PCDH7: variants seen among roughly 807,000 people sequenced by gnomAD.
PCDH7 encodes protocadherin 7.
In PCDH7, 17 loss-of-function variants were observed where a neutral mutation model predicts 58.9. The ratio of observed to expected loss-of-function variants is 0.29; its 90% CI spans 0.20 to 0.43. PCDH7 has a LOEUF of 0.43. Among genes scored for constraint, PCDH7 ranks in the 20% least tolerant of loss-of-function variants. The pLI is 1.00. For missense variants in PCDH7, 1,274 were observed against 1,441.0 expected (o/e 0.88, Z 1.88); for synonymous variants, 664 against 616.4 (o/e 1.08, Z -1.14).
intron 2 of PCDH7, among the ~76,000 whole-genome samples, chr4:30,947,634 A>G (rs1313990004): frequency 6.6e-6 from 1 of 152,332 alleles, no homozygotes; most frequent in East Asian, 1.9e-4. Context: ...CATATAGTAT[A>G]TAGTAATCAC....
intron 1 of PCDH7, among the ~76,000 whole-genome samples, chr4:30,880,750 A>G (rs569280518): frequency 6.3e-4 from 96 of 152,290 alleles, no homozygotes; most frequent in African/African-American, 2.2e-3. Context: ...TGAGAAACAA[A>G]AAATAATATA....
chr4:30,730,689 A>G (rs368020433), intron 1 of PCDH7: 1 of 1,270,738 alleles, frequency 7.9e-7, no homozygotes, highest in Non-Finnish European at 1.1e-6. Flanking sequence ...GGCATAAGAC[A>G]CTGGGGAAAA....
intron 1 of PCDH7, among the ~76,000 whole-genome samples, chr4:30,771,057 A>T (rs1560352094): frequency 6.6e-6 from 1 of 152,182 alleles, no homozygotes. Flanking sequence ...ACTTATTTCT[A>T]TTGGGAGCTA....
chr4:31,071,953 C>G (rs1343418769), intron 3 of PCDH7, among the ~76,000 whole-genome samples: 1 of 152,042 alleles, frequency 6.6e-6, no homozygotes, highest in Non-Finnish European at 1.5e-5. Context: ...AATAACTACT[C>G]TTATACTAAA....
chr4:30,759,418 C>T (rs1439205586), intron 1 of PCDH7, among the ~76,000 whole-genome samples: 6 of 152,262 alleles, frequency 3.9e-5, no homozygotes, highest in South Asian at 4.1e-4. Context: ...TTCGGTGAAT[C>T]GGCTTTCAGG....
intron 3 of PCDH7, among the ~76,000 whole-genome samples, chr4:31,128,886 G>A (rs915677966): frequency 3.3e-5 from 5 of 152,188 alleles, no homozygotes; most frequent in African/African-American, 7.2e-5. Context: ...AGGGGATGAG[G>A]AGAGTGAGTG....
intron 3 of PCDH7, among the ~76,000 whole-genome samples, chr4:30,980,203 A>G (rs989160806): frequency 1.3e-5 from 2 of 152,244 alleles, no homozygotes; most frequent in Non-Finnish European, 2.9e-5. Context: ...ACAATTAGGC[A>G]TAAAAGTATT....
intron 1 of PCDH7, among the ~76,000 whole-genome samples, chr4:30,904,599 G>A (rs1740670975): frequency 1.3e-5 from 2 of 152,086 alleles, no homozygotes; most frequent in African/African-American, 4.8e-5. Flanking sequence ...GACCTTGTTG[G>A]GAGTCTATTT....
At chr4:31,080,113 G>C (rs1043099397) in intron 3 of PCDH7, among the ~76,000 whole-genome samples, 3 of 151,932 alleles carry the variant, frequency 2.0e-5, no homozygotes, top group Admixed American at 6.6e-5. Flanking sequence ...ATCCTTTCTA[G>C]TGCCTTCTTT....
intron 1 of PCDH7, among the ~76,000 whole-genome samples, chr4:30,916,239 G>A (rs923324428): frequency 2.0e-5 from 3 of 152,130 alleles, no homozygotes; most frequent in East Asian, 1.9e-4. Flanking sequence ...CTTACCTCTC[G>A]CTAGGTAAAT....
intron 3 of PCDH7, among the ~76,000 whole-genome samples, chr4:30,975,523 A>G (rs1194891628): frequency 1.3e-5 from 2 of 152,130 alleles, no homozygotes; most frequent in African/African-American, 4.8e-5. Context: ...GACACATTCC[A>G]GAGATAATAT....
chr4:30,988,516 G>T (rs549992451), intron 3 of PCDH7, among the ~76,000 whole-genome samples: 2 of 152,198 alleles, frequency 1.3e-5, no homozygotes, highest in South Asian at 4.1e-4. Flanking sequence ...TTAGCATTTA[G>T]TACACAGGCC....
At chr4:30,833,290 G>A (rs1207606469) in intron 1 of PCDH7, among the ~76,000 whole-genome samples, 1 of 152,058 alleles carries the variant, frequency 6.6e-6, no homozygotes, top group Non-Finnish European at 1.5e-5. Flanking sequence ...CAGGATTCCT[G>A]GAGGCTCTAG....
At chr4:30,968,375 ACT>A (rs1749217867) in intron 3 of PCDH7, among the ~76,000 whole-genome samples, 7 of 71,752 alleles carry the variant, frequency 9.8e-5, no homozygotes, top group Non-Finnish European at 1.6e-4. Context: ...ATATACACAC[ACT>A]ATATATATAT....
At chr4:30,933,061 T>C (rs1482613510) in intron 2 of PCDH7, among the ~76,000 whole-genome samples, 1 of 151,434 alleles carries the variant, frequency 6.6e-6, no homozygotes, top group Non-Finnish European at 1.5e-5. Flanking sequence ...AGAGTCTTGC[T>C]CTGTCGCCAG....
rs530111314 is a variant in PCDH7 at position 31,050,839 on chromosome 4, T to C, written c.*8-91634T>C. Among the ~76,000 whole-genome samples the C allele has an allele frequency of 2.0e-5, 3 of 152,290 alleles. No homozygotes were observed. In the South Asian group the frequency reaches 6.2e-4, roughly 32 times the overall value. On this transcript the variant is annotated intron_variant, in intron 3 of 3. Coordinates refer to the PCDH7 transcript ENST00000509759. ...TTTCCTCAAAAATCCTGTGAATTCA[T>C]ATATTGATTCTGTATTTTAGAGATT...
intron 3 of PCDH7, among the ~76,000 whole-genome samples, chr4:31,005,067 C>A (rs1274604558): frequency 6.6e-6 from 1 of 152,162 alleles, no homozygotes; most frequent in Non-Finnish European, 1.5e-5. Flanking sequence ...AGTTTAACTT[C>A]CTTTTCATAA....
intron 1 of PCDH7, among the ~76,000 whole-genome samples, chr4:30,901,855 G>A (rs1453193530): frequency 6.6e-6 from 1 of 152,138 alleles, no homozygotes; most frequent in Non-Finnish European, 1.5e-5. Flanking sequence ...ATGCTGAAAT[G>A]TGGTTTAGTT....
intron 1 of PCDH7, among the ~76,000 whole-genome samples, chr4:30,802,887 T>C (rs971839004): frequency 6.6e-6 from 1 of 152,086 alleles, no homozygotes; most frequent in African/African-American, 2.4e-5. Flanking sequence ...TTCAATTTTC[T>C]CAGGAACTCT....
Sources: allele counts gnomAD v4.1 joint callset (sites outside exome capture counted in the v4.1 genomes callset), GRCh38; gene constraint gnomAD v4.1.1; transcripts MANE v1.5; gene names NCBI Gene and HGNC (gene_info 2026-07-23, HGNC 2026-07-21).